The following MID1 variants were observed in gnomAD, a reference collection of about 807,000 sequenced individuals.
MID1 encodes E3 ubiquitin-protein ligase Midline-1.
Under a neutral mutation model 40.4 loss-of-function variants are expected in MID1, and 7 were observed. That is an observed-to-expected ratio of 0.17 (90% confidence interval 0.10 to 0.33). The LOEUF (loss-of-function observed/expected upper bound fraction) is 0.33, where lower values mean the gene tolerates loss of function less well. Among genes scored for constraint, MID1 ranks in the 10% least tolerant of loss-of-function variants. The pLI, the probability that MID1 is intolerant of heterozygous loss-of-function variation, is 1.00. For synonymous variants in MID1, 229 were observed against 221.2 expected, an observed-to-expected ratio of 1.04 and a Z score of -0.31; for missense variants, 367 against 558.5, an observed-to-expected ratio of 0.66 and a Z score of 3.46.
In MID1 at chrX:10,547,108, C is replaced by T. The variant is rs190852839; in HGVS notation, c.660+19780G>A. Among the ~76,000 whole-genome samples the T allele has an allele frequency of 9.9e-5, 11 of 111,661 alleles. 1 individual carries two copies. The East Asian group carries it at 2.0e-3, about 20-fold the overall frequency. ...AAGTTTGAGATCAGCCCAGGCAAGA[C>T]GGCAAAAACCCCATCTCTACAAAAA... On this transcript the variant is annotated intron_variant, in intron 2 of 9. Transcript: ENST00000317552.
At chrX:10,829,813 C>T (rs1199622011) in intron 1 of MID1, among the ~76,000 whole-genome samples, 1 of 111,871 alleles carries the variant, frequency 8.9e-6, no homozygotes, top group African/African-American at 3.2e-5. Context: ...CTAAGCCTTA[C>T]AGGTATGACC....
intron 1 of MID1, among the ~76,000 whole-genome samples, chrX:10,635,762 C>G (rs1427976412): frequency 8.9e-6 from 1 of 112,139 alleles, no homozygotes; most frequent in African/African-American, 3.2e-5. Flanking sequence ...TACATAGTAA[C>G]TTACTTTCAT....
At chrX:10,585,791 C>T (rs1042078864) in intron 1 of MID1, among the ~76,000 whole-genome samples, 1 of 111,294 alleles carries the variant, frequency 9.0e-6, no homozygotes, top group Non-Finnish European at 1.9e-5. Flanking sequence ...TATTTTTACA[C>T]AGTCTTAATT....
intron 1 of MID1, among the ~76,000 whole-genome samples, chrX:10,828,567 C>T (rs962306770): frequency 2.7e-5 from 3 of 111,770 alleles, no homozygotes; most frequent in African/African-American, 6.5e-5. Flanking sequence ...ATTGAGAAGA[C>T]GTAGATTGCT....
At chrX:10,793,642 G>C in intron 1 of MID1, among the ~76,000 whole-genome samples, 1 of 111,721 alleles carries the variant, frequency 9.0e-6, no homozygotes, top group Non-Finnish European at 1.9e-5. Flanking sequence ...CCTAACCCCT[G>C]TTTAGAAGGG....
At chrX:10,620,708 A>G (rs1398105512), upstream of MID1, 1 of 112,346 alleles carries the variant, frequency 8.9e-6, no homozygotes, top group African/African-American at 3.2e-5. Flanking sequence ...CGGGATTCAA[A>G]TGACTGGAAG....
intron 1 of MID1, among the ~76,000 whole-genome samples, chrX:10,581,953 T>A (rs1024542936): frequency 1.8e-5 from 2 of 112,175 alleles, no homozygotes; most frequent in East Asian, 5.6e-4. Context: ...GGATGGAGCA[T>A]GTGAAACTAT....
chrX:10,657,496 T>C (rs1307231917), intron 1 of MID1, among the ~76,000 whole-genome samples: 1 of 111,845 alleles, frequency 8.9e-6, no homozygotes, highest in Admixed American at 9.5e-5. Flanking sequence ...TCAGTGTTGC[T>C]ACCAGGCCCC....
chrX:10,580,187 T>C (rs111469610), intron 1 of MID1, among the ~76,000 whole-genome samples: 13,223 of 101,484 alleles, frequency 0.13, 2,031 homozygotes, highest in African/African-American at 0.41. Flanking sequence ...TTCAATCACA[T>C]GCCCCCCCCC....
intron 1 of MID1, among the ~76,000 whole-genome samples, chrX:10,780,942 A>C (rs1336469821): frequency 9.0e-6 from 1 of 111,672 alleles, no homozygotes; most frequent in Non-Finnish European, 1.9e-5. Flanking sequence ...GCTGCAGCTG[A>C]TCTGACAGGA....
intron 1 of MID1, among the ~76,000 whole-genome samples, chrX:10,609,156 T>TACACAC (rs369473330): frequency 0.01 from 1,091 of 106,986 alleles, 16 homozygotes; most frequent in African/African-American, 0.036. Context: ...CACACGTGCA[T>TACACAC]ACACACACAC....
intron 1 of MID1, among the ~76,000 whole-genome samples, chrX:10,768,465 T>C (rs1440133416): frequency 8.9e-6 from 1 of 111,918 alleles, no homozygotes; most frequent in East Asian, 2.8e-4. Flanking sequence ...AGTAGGATGC[T>C]GAGGATATAG....
At chrX:10,711,070 A>G (rs1321190818) in intron 1 of MID1, among the ~76,000 whole-genome samples, 1 of 111,063 alleles carries the variant, frequency 9.0e-6, no homozygotes, top group Non-Finnish European at 1.9e-5. Flanking sequence ...CCCACCCCCC[A>G]GCCTCAGGTT....
At chrX:10,784,880 G>A (rs1479133776) in intron 1 of MID1, among the ~76,000 whole-genome samples, 2 of 111,139 alleles carry the variant, frequency 1.8e-5, no homozygotes, top group Non-Finnish European at 1.9e-5. Flanking sequence ...TACTGAATGA[G>A]CAAAAACTGG....
intron 5 of MID1, 103 bp downstream of exon 5, chrX:10,482,377 C>A: frequency 1.1e-6 from 1 of 896,762 alleles, no homozygotes; most frequent in Non-Finnish European, 1.6e-6. Context: ...GGTACTGAGC[C>A]TTGAAAATGA....
rs1236110931 is a variant in MID1, at chrX:10,636,790, A to ATATATATATATATATATG, written c.-186-16372_-186-16371insCATATATATATATATATA. On this transcript the variant is annotated intron_variant, in intron 1 of 10. Coordinates refer to the MID1 transcript ENST00000380785. ...TGGGCCATTCCAACAATGGGGATATATATATATATATATATATATATATAT... is the reference window on the plus strand; with the variant it reads ...TGGGCCATTCCAACAATGGGGATATATATATATATATATATATGTATATATATATATATATATATATAT... Among the ~76,000 whole-genome samples, 225 of 48,048 alleles carry ATATATATATATATATATG rather than the reference A, an allele frequency of 4.7e-3. 11 individuals are homozygous for ATATATATATATATATATG. Among genetic ancestry groups the ATATATATATATATATATG allele is most frequent in the African/African-American group, 0.014 (215 of 14,848 alleles). 41.7% of individuals were successfully genotyped at this position (48,048 alleles called of 115,157 possible).
intron 1 of MID1, among the ~76,000 whole-genome samples, chrX:10,659,267 CA>C (rs1377454459): frequency 1.8e-5 from 2 of 111,816 alleles, no homozygotes; most frequent in East Asian, 5.6e-4. Context: ...ATTACCAGCT[CA>C]TCAATAATTT....
At chrX:10,793,037 T>C (rs993141311) in intron 1 of MID1, among the ~76,000 whole-genome samples, 1 of 112,286 alleles carries the variant, frequency 8.9e-6, no homozygotes, top group Admixed American at 9.4e-5. Context: ...ATTTGGAAAC[T>C]GAAGAGCAGC....
chrX:10,749,434 T>G (rs2043583346), intron 1 of MID1, among the ~76,000 whole-genome samples: 1 of 111,851 alleles, frequency 8.9e-6, no homozygotes, highest in South Asian at 3.7e-4. Flanking sequence ...CACACGAAAT[T>G]TAGTACTCAC....
Sources: gnomAD v4.1 joint callset for allele counts (sites outside exome capture counted in the v4.1 genomes callset) on GRCh38, gnomAD v4.1.1 for gene constraint, MANE v1.5 for transcripts, NCBI Gene and HGNC (gene_info 2026-07-23, HGNC 2026-07-21) for gene names.